Variants in FAM178B observed in about 807,000 individuals in gnomAD.
FAM178B encodes the protein protein FAM178B.
Under a neutral mutation model 91.7 loss-of-function variants are expected in FAM178B, and 82 were observed. The observed-to-expected ratio is 0.89, with a 90% CI of 0.75 to 1.07. The LOEUF is 1.07. FAM178B is among the 50% of genes least tolerant of loss of function. The pLI is 0.00. For synonymous variants in FAM178B, 368 were observed against 359.4 expected (o/e 1.02, Z -0.27); for missense variants, 769 against 846.7 (o/e 0.91, Z 1.14).
intron 14 of FAM178B, among the ~76,000 whole-genome samples, chr2:96,883,397 G>C (rs937235241): frequency 6.6e-6 from 1 of 152,202 alleles, no homozygotes; most frequent in Non-Finnish European, 1.5e-5. Flanking sequence ...AAAGGAGGAC[G>C]GAGAGGCTCT....
rs1232369724 is a variant in FAM178B, at chr2:96,971,922, G to A, written c.543C>T (p.Ser181=). The A allele has an allele frequency of 2.0e-6, 3 of 1,509,014 alleles. No homozygotes were observed. Among genetic ancestry groups the A allele is most frequent in the Non-Finnish European group, 1.8e-6 (2 of 1,128,376 alleles). The allele number at this position is 1,509,014 out of a possible 1,614,324, so 93.5% of individuals were successfully genotyped here. A position where few individuals can be genotyped will look rare whatever the true frequency, so the allele number is the denominator to read the frequency against. ...EKLFWNTSGL[S]QQAAAPEFSW... ...TCACCTCTGGGGCCGCAGCCTGCTG[G>A]CTCAGGCCTGACGTGTTCCAGAACA... Residue 181 remains serine (S), a synonymous_variant, in exon 3 of 17, where the codon AGC becomes AGT. Coordinates refer to ENST00000490605, the MANE Select transcript of FAM178B (RefSeq NM_001122646.3).
chr2:96,890,057 C>T (rs918026899), intron 14 of FAM178B, among the ~76,000 whole-genome samples: 2 of 151,988 alleles, frequency 1.3e-5, no homozygotes, highest in African/African-American at 4.8e-5. Context: ...GGGCAGATCA[C>T]CTGAGGTCAT....
chr2:96,910,491 G>A (rs550020055), intron 12 of FAM178B, among the ~76,000 whole-genome samples: 5 of 152,284 alleles, frequency 3.3e-5, no homozygotes, highest in East Asian at 1.9e-4. Context: ...GTGTTGTTCC[G>A]TCTGCATCAG....
At chr2:96,970,954 C>T (rs934166674) in intron 3 of FAM178B, among the ~76,000 whole-genome samples, 177 bp from the exon 4 acceptor site, 6 of 151,856 alleles carry the variant, frequency 4.0e-5, no homozygotes, top group African/African-American at 7.3e-5. Flanking sequence ...TGTCTCCCTG[C>T]CCCCATCCCC....
chr2:96,912,554 C>T (rs1457085683), intron 12 of FAM178B, among the ~76,000 whole-genome samples: 2 of 152,044 alleles, frequency 1.3e-5, no homozygotes, highest in Non-Finnish European at 2.9e-5. Context: ...CCGAGAGGTC[C>T]CTGGTGACGG....
At chr2:96,893,520 C>T (rs2080731944) in intron 14 of FAM178B, among the ~76,000 whole-genome samples, 1 of 152,060 alleles carries the variant, frequency 6.6e-6, no homozygotes, top group South Asian at 2.1e-4. Flanking sequence ...GCTCTGCCTA[C>T]AGAAGAAGGG....
intron 8 of FAM178B, among the ~76,000 whole-genome samples, chr2:96,936,613 G>A (rs974513660): frequency 2.0e-5 from 3 of 149,742 alleles, no homozygotes; most frequent in Non-Finnish European, 3.0e-5. Context: ...GGGTTCAAGC[G>A]ATTCTCCTGC....
intron 5 of FAM178B, among the ~76,000 whole-genome samples, chr2:96,965,727 A>G (rs370384242): frequency 1.1e-3 from 173 of 151,566 alleles, no homozygotes; most frequent in African/African-American, 3.9e-3. Context: ...TTGGCCTCCC[A>G]AAGTGTTGCA....
At position 96,905,818 on chromosome 2, in the gene FAM178B, GTATATATATATATATA is replaced by G. The variant is rs1226987241; in HGVS notation, c.1563-3127_1563-3112del. 7.8e-3 allele frequency among the ~76,000 whole-genome samples: 267 copies of G among 34,176 alleles called. 9 individuals are homozygous for G. Among genetic ancestry groups the G allele is most frequent in the East Asian group, 0.059 (58 of 976 alleles). 22.4% of individuals were successfully genotyped at this position (34,176 alleles called of 152,430 possible). ...TACACAAAAATATACATATATGTGT[GTATATATATATATATA>G]TATATATATATATATATATATATAT... On this transcript the variant is annotated intron_variant, in intron 12 of 16. Coordinates refer to ENST00000490605, the MANE Select transcript of FAM178B (RefSeq NM_001122646.3).
intron 12 of FAM178B, among the ~76,000 whole-genome samples, chr2:96,910,571 T>C (rs2081135793): frequency 6.6e-6 from 1 of 152,206 alleles, no homozygotes; most frequent in African/African-American, 2.4e-5. Flanking sequence ...AAACTCCTTT[T>C]ATGGCCTTCG....
intron 6 of FAM178B, among the ~76,000 whole-genome samples, chr2:96,955,555 CTG>C (rs2081988069): frequency 6.6e-6 from 1 of 152,078 alleles, no homozygotes; most frequent in Admixed American, 6.5e-5. Flanking sequence ...TGGTGGGCGC[CTG>C]TAATCCCAGC....
intron 13 of FAM178B, among the ~76,000 whole-genome samples, chr2:96,901,085 C>T (rs959020571): frequency 2.6e-5 from 4 of 152,064 alleles, no homozygotes; most frequent in African/African-American, 7.2e-5. Flanking sequence ...TTCATCACCC[C>T]GTGAAGTGAC....
chr2:96,939,389 G>T (rs562612007), intron 8 of FAM178B, among the ~76,000 whole-genome samples: 1 of 152,130 alleles, frequency 6.6e-6, no homozygotes, highest in East Asian at 1.9e-4. Context: ...CCAGCTACTC[G>T]GGAGGCTGAG....
At chr2:96,972,634 T>G (rs1189921707) in intron 1 of FAM178B, 28 bp from the exon 2 acceptor site, 1 of 1,546,118 alleles carries the variant, frequency 6.5e-7, no homozygotes. Flanking sequence ...TGAGGGCAGG[T>G]GAACCTCCAG....
At chr2:96,979,762 G>C (rs941178615) in intron 1 of FAM178B, among the ~76,000 whole-genome samples, 1 of 152,152 alleles carries the variant, frequency 6.6e-6, no homozygotes, top group Non-Finnish European at 1.5e-5. Flanking sequence ...GTGTATAAGT[G>C]TTCCCTTTTC....
chr2:96,888,745 G>A (rs1197768993), intron 14 of FAM178B, among the ~76,000 whole-genome samples: 2 of 152,228 alleles, frequency 1.3e-5, no homozygotes, highest in Non-Finnish European at 2.9e-5. Context: ...TGCACAGCAC[G>A]CACTTATGCA....
At chr2:96,956,038 G>A (rs1328910867) in intron 6 of FAM178B, among the ~76,000 whole-genome samples, 1 of 152,208 alleles carries the variant, frequency 6.6e-6, no homozygotes, top group African/African-American at 2.4e-5. Context: ...CACCAACAGT[G>A]GCAGATGCAC....
At position 96,901,098 on chromosome 2, in the gene FAM178B, C is replaced by T. The variant is rs567626867; in HGVS notation, c.1650+1522G>A. On this transcript the variant is annotated intron_variant, in intron 13 of 16. Transcript: ENST00000490605. ...CCTTCATCACCCCGTGAAGTGACGT[C>T]CTCTGAGCTGCCAGGAGCCTGCAGT... Among the ~76,000 whole-genome samples, 119 of 152,236 alleles carry T rather than the reference C, an allele frequency of 7.8e-4. No homozygotes were observed. The Middle Eastern group carries it at 0.014, about 17-fold the overall frequency.
chr2:96,986,438 A>T lies in FAM178B; in HGVS notation c.-125T>A. The T allele has an allele frequency of 8.4e-7, 1 of 1,187,540 alleles. No individual in the cohort carries two copies. Among genetic ancestry groups the T allele is most frequent in the Non-Finnish European group, 1.1e-6 (1 of 874,156 alleles). The allele number at this position is 1,187,540 out of a possible 1,614,324, so 73.6% of individuals were successfully genotyped here. ...GCTCCCCAGGCGGCGCAGTGGGAGG[A>T]CCCCAAGAGTTGCGTCCCTAGATCC... On this transcript the variant is annotated 5_prime_UTR_variant, in exon 1 of 17. Transcript: ENST00000490605.
Sources: gnomAD v4.1 joint callset for allele counts (sites outside exome capture counted in the v4.1 genomes callset) on GRCh38, gnomAD v4.1.1 for gene constraint, MANE v1.5 for transcripts, NCBI Gene and HGNC (gene_info 2026-07-23, HGNC 2026-07-21) for gene names.